NKAIN2: variants seen among roughly 807,000 people sequenced by gnomAD.
NKAIN2 encodes sodium/potassium transporting ATPase interacting 2, also known as sodium/potassium-transporting ATPase subunit beta-1-interacting protein 2.
Under a neutral mutation model 32.6 loss-of-function variants are expected in NKAIN2, and 14 were observed. The observed-to-expected ratio is 0.43, with a 90% confidence interval of 0.28 to 0.67. The LOEUF (loss-of-function observed/expected upper bound fraction) is 0.67, where lower values mean the gene tolerates loss of function less well. Ranked by LOEUF, NKAIN2 falls within the 30% of genes least tolerant of loss-of-function variation. NKAIN2 has a pLI of 0.17. For missense variants in NKAIN2, 198 were observed against 258.3 expected (o/e 0.77, Z 1.60); for synonymous variants, 80 against 87.2 (o/e 0.92, Z 0.46).
At chr6:123,893,464 C>T (rs1774115331) in intron 1 of NKAIN2, among the ~76,000 whole-genome samples, 1 of 152,184 alleles carries the variant, frequency 6.6e-6, no homozygotes, top group East Asian at 1.9e-4. Flanking sequence ...TCCTTGCCCT[C>T]CTATAATGGT....
intron 1 of NKAIN2, among the ~76,000 whole-genome samples, chr6:124,148,124 AT>A (rs954125872): frequency 3.4e-4 from 51 of 151,852 alleles, no homozygotes; most frequent in African/African-American, 1.1e-3. Context: ...TATTTCATTT[AT>A]TTTTTTTAAA....
intron 1 of NKAIN2, among the ~76,000 whole-genome samples, chr6:123,871,341 G>A (rs925686956): frequency 7.2e-5 from 11 of 151,756 alleles, no homozygotes; most frequent in South Asian, 2.1e-4. Context: ...TATAAATTTC[G>A]CTGAAATATG....
intron 1 of NKAIN2, among the ~76,000 whole-genome samples, chr6:123,812,552 A>G (rs550700512): frequency 6.6e-6 from 1 of 152,308 alleles, no homozygotes; most frequent in African/African-American, 2.4e-5. Flanking sequence ...CTGATGTTGC[A>G]AAGAGGTTGA....
chr6:124,688,694 T>C (rs1468040750), intron 4 of NKAIN2, among the ~76,000 whole-genome samples: 2 of 152,180 alleles, frequency 1.3e-5, no homozygotes, highest in East Asian at 3.8e-4. Flanking sequence ...TCTATACTTC[T>C]GTCTTTTCCA....
intron 1 of NKAIN2, among the ~76,000 whole-genome samples, chr6:124,263,109 C>G (rs537091764): frequency 6.6e-6 from 1 of 152,170 alleles, no homozygotes; most frequent in African/African-American, 2.4e-5. Flanking sequence ...AGTGTTTACA[C>G]TCATTTTATA....
At chr6:124,644,616 G>A (rs1187102445) in intron 3 of NKAIN2, among the ~76,000 whole-genome samples, 1 of 152,144 alleles carries the variant, frequency 6.6e-6, no homozygotes, top group Non-Finnish European at 1.5e-5. Flanking sequence ...ATGTTAGCCA[G>A]GATGGTCTTG....
At chr6:123,937,676 G>A (rs1776583799) in intron 1 of NKAIN2, among the ~76,000 whole-genome samples, 1 of 151,990 alleles carries the variant, frequency 6.6e-6, no homozygotes, top group South Asian at 2.1e-4. Flanking sequence ...ACATAGCTAG[G>A]GACGGCCTGC....
intron 5 of NKAIN2, among the ~76,000 whole-genome samples, chr6:124,805,832 C>T (rs1361100621): frequency 1.3e-5 from 2 of 152,040 alleles, no homozygotes; most frequent in Non-Finnish European, 2.9e-5. Context: ...ATGAGAACTA[C>T]GTGAAGAATG....
chr6:124,529,546 G>A (rs526138), intron 3 of NKAIN2, among the ~76,000 whole-genome samples: 139,700 of 152,154 alleles, frequency 0.92, 64,834 homozygotes, highest in Non-Finnish European at 1. Context: ...CGGTCTCCTC[G>A]ACTAAGCATT....
chr6:123,948,265 T>C (rs1777160460), intron 1 of NKAIN2, among the ~76,000 whole-genome samples: 1 of 152,044 alleles, frequency 6.6e-6, no homozygotes, highest in Non-Finnish European at 1.5e-5. Context: ...ACTGATTTCT[T>C]TTCCATTGGA....
chr6:123,902,288 G>A (rs940438265), intron 1 of NKAIN2, among the ~76,000 whole-genome samples: 2 of 152,088 alleles, frequency 1.3e-5, no homozygotes, highest in Admixed American at 1.3e-4. Context: ...GGAAATGAGT[G>A]GCCTGTGAGG....
chr6:124,448,055 TTAACA>T (rs563278387), intron 3 of NKAIN2, among the ~76,000 whole-genome samples: 123 of 152,254 alleles, frequency 8.1e-4, no homozygotes, highest in African/African-American at 2.7e-3. Context: ...TACATTGGAC[TTAACA>T]TAACATGTGG....
chr6:123,978,679 T>C (rs959144079), intron 1 of NKAIN2, among the ~76,000 whole-genome samples: 5 of 151,476 alleles, frequency 3.3e-5, no homozygotes, highest in Non-Finnish European at 4.4e-5. Context: ...AATTTCACAA[T>C]TGTGTGTGTG....
At chr6:123,962,034 C>T (rs1281480633) in intron 1 of NKAIN2, among the ~76,000 whole-genome samples, 1 of 152,024 alleles carries the variant, frequency 6.6e-6, no homozygotes, top group Non-Finnish European at 1.5e-5. Context: ...TTGTCACTTT[C>T]TATACTGGAT....
intron 1 of NKAIN2, among the ~76,000 whole-genome samples, chr6:124,222,542 T>G (rs1427983939): frequency 3.9e-5 from 6 of 151,950 alleles, no homozygotes; most frequent in Admixed American, 6.6e-5. Flanking sequence ...AGAAAGGGAA[T>G]GAGGCAAGTA....
chr6:124,170,440 A>G (rs1788787377), intron 1 of NKAIN2, among the ~76,000 whole-genome samples: 1 of 152,232 alleles, frequency 6.6e-6, no homozygotes, highest in African/African-American at 2.4e-5. Flanking sequence ...TGCTAAATAG[A>G]AAGTATGCAG....
chr6:123,807,623 T>C (rs571091869), intron 1 of NKAIN2, among the ~76,000 whole-genome samples: 1 of 152,238 alleles, frequency 6.6e-6, no homozygotes, highest in African/African-American at 2.4e-5. Context: ...TGGAAAAAAT[T>C]ACTCTGATAT....
At chr6:124,454,109 G>T (rs116377938) in intron 3 of NKAIN2, among the ~76,000 whole-genome samples, 1,660 of 135,942 alleles carry the variant, frequency 0.012, 43 homozygotes, top group African/African-American at 0.044. Flanking sequence ...TTTTTTTTGG[G>T]GGGGGGGGTT....
intron 3 of NKAIN2, among the ~76,000 whole-genome samples, chr6:124,507,425 G>A (rs1324277893): frequency 6.6e-6 from 1 of 151,994 alleles, no homozygotes; most frequent in Non-Finnish European, 1.5e-5. Context: ...CCATCAGTAT[G>A]GGAAAATTTT....
Sources: allele counts gnomAD v4.1 joint callset (sites outside exome capture counted in the v4.1 genomes callset), GRCh38; gene constraint gnomAD v4.1.1; transcripts MANE v1.5; gene names NCBI Gene and HGNC (gene_info 2026-07-23, HGNC 2026-07-21).